RNF150: variants seen among roughly 807,000 people sequenced by gnomAD.
The protein encoded by RNF150 is ring finger protein 150.
Under a neutral mutation model 39.3 loss-of-function variants are expected in RNF150, and 24 were observed. The observed-to-expected ratio is 0.61, with a 90% CI of 0.44 to 0.86. RNF150 has a LOEUF of 0.86. Ranked by LOEUF, RNF150 falls within the 40% of genes least tolerant of loss-of-function variation. RNF150 has a pLI of 0.00. For missense variants in RNF150, 502 were observed against 587.8 expected (o/e 0.85, Z 1.51); for synonymous variants, 255 against 227.3 (o/e 1.12, Z -1.10).
At chr4:140,973,369 C>T (rs897618284) in intron 1 of RNF150, among the ~76,000 whole-genome samples, 1 of 152,018 alleles carries the variant, frequency 6.6e-6, no homozygotes, top group Non-Finnish European at 1.5e-5. Flanking sequence ...ATTTGTAATA[C>T]ATGTACATTT....
chr4:140,871,390 A>G (rs1217750705), intron 6 of RNF150, among the ~76,000 whole-genome samples: 1 of 152,122 alleles, frequency 6.6e-6, no homozygotes, highest in Non-Finnish European at 1.5e-5. Flanking sequence ...CTGCTTTTGT[A>G]TATTTAGTAC....
chr4:141,002,430 T>C (rs1734699551), intron 1 of RNF150, among the ~76,000 whole-genome samples: 1 of 152,160 alleles, frequency 6.6e-6, no homozygotes, highest in Admixed American at 6.5e-5. Context: ...CTCCTCACTA[T>C]CTTAAGCTTT....
In RNF150 at chr4:140,980,460, T is replaced by C. The variant is rs117659705; in HGVS notation, c.485-12587A>G. ...ATTTATGATACACTATTCTGTACCA[T>C]TGGAATGGGAAAATATAGATGAAGC... is the stretch of plus-strand genomic sequence containing the variant. On this transcript the variant is annotated intron_variant, in intron 1 of 6. Coordinates refer to ENST00000515673, the MANE Select transcript of RNF150 (RefSeq NM_020724.2). Among the ~76,000 whole-genome samples the C allele has an allele frequency of 4.7e-4, 71 of 152,256 alleles. No individual in the cohort carries two copies. The East Asian group carries it at 0.011, about 23-fold the overall frequency.
At chr4:140,930,791 T>G (rs1435209164) in intron 4 of RNF150, among the ~76,000 whole-genome samples, 1 of 152,210 alleles carries the variant, frequency 6.6e-6, no homozygotes, top group Non-Finnish European at 1.5e-5. Flanking sequence ...ATAGCACTGG[T>G]TACGTCACCC....
At chr4:141,162,698 AG>A (rs1321682641) in intron 1 of RNF150, among the ~76,000 whole-genome samples, 1 of 152,046 alleles carries the variant, frequency 6.6e-6, no homozygotes, top group Non-Finnish European at 1.5e-5. Context: ...CAGAACCACA[AG>A]GGGTCAAGGA....
Position 140,868,341 on chromosome 4 carries a change from A to G in RNF150, c.1237T>C (p.Ser413Pro). 1 of 1,613,480 alleles carries G rather than the reference A, an allele frequency of 6.2e-7. No homozygotes were observed. The highest frequency in any genetic ancestry group is 1.7e-5 in the Admixed American group (1 of 60,012). ...EPAVSSDSDI[S>P]LIMAMEVGLS... ...CCAACCTCCATTGCCATGATCAAGG[A>G]AATGTCAGAATCACTGCTTACAGCT... is the stretch of plus-strand genomic sequence containing the variant. Residue 413 changes from serine (S) to proline (P), a missense_variant, in exon 7 of 7, where the codon TCC becomes CCC. Transcript: ENST00000515673.
chr4:141,132,341 G>A lies in RNF150; in HGVS notation c.468C>T (p.Ile156=). 3 of 1,584,148 alleles carry A rather than the reference G, an allele frequency of 1.9e-6. No homozygotes were observed. The highest frequency in any genetic ancestry group is 2.6e-6 in the Non-Finnish European group (3 of 1,165,276). Residue 156 remains isoleucine, a synonymous_variant, in exon 1 of 7, where the codon ATC becomes ATT. Transcript: ENST00000515673. This position sits in a 1 kb window ranked among gnomAD's most constrained non-coding sequence, Gnocchi z 4.9. Reference sequence around the variant, plus strand: ...GCCACTCACCCGCGTGGGGCATGGTGATGGTCTCGTTGGTGTTGGAGCCCA... The same window carrying A: ...GCCACTCACCCGCGTGGGGCATGGTAATGGTCTCGTTGGTGTTGGAGCCCA... The part of the protein sequence containing the change: ...FNVGSNTNET[I]TMPHAGVEDI...
chr4:141,176,329 T>G (rs1489908304), intron 1 of RNF150, among the ~76,000 whole-genome samples: 1 of 152,190 alleles, frequency 6.6e-6, no homozygotes, highest in Non-Finnish European at 1.5e-5. Context: ...TTTCAACATA[T>G]AAATCATGGG....
chr4:141,049,188 T>C (rs1199750387), intron 1 of RNF150, among the ~76,000 whole-genome samples: 2 of 151,986 alleles, frequency 1.3e-5, no homozygotes, highest in African/African-American at 2.4e-5. Flanking sequence ...TAATTACACA[T>C]AGTTTACCAA....
At chr4:141,038,107 C>G (rs907871729) in intron 1 of RNF150, among the ~76,000 whole-genome samples, 1 of 152,158 alleles carries the variant, frequency 6.6e-6, no homozygotes, top group Non-Finnish European at 1.5e-5. Flanking sequence ...CACATCTAGT[C>G]CTATGTCCTA....
chr4:141,190,733 T>G (rs1261554811), intron 1 of RNF150, among the ~76,000 whole-genome samples: 1 of 152,222 alleles, frequency 6.6e-6, no homozygotes, highest in Admixed American at 6.5e-5. Context: ...GAAGTATTCA[T>G]ACATTTAACA....
At chr4:141,063,512 G>A (rs1737321366) in intron 1 of RNF150, among the ~76,000 whole-genome samples, 1 of 152,104 alleles carries the variant, frequency 6.6e-6, no homozygotes, top group East Asian at 1.9e-4. Flanking sequence ...TAAATTAGTA[G>A]GACAAATTAT....
At chr4:141,135,200 T>C (rs1727009660), upstream of RNF150, among the ~76,000 whole-genome samples, 1 of 152,134 alleles carries the variant, frequency 6.6e-6, no homozygotes, top group Admixed American at 6.5e-5. Context: ...TAACAATGAG[T>C]ATGAAATAAT....
intron 1 of RNF150, among the ~76,000 whole-genome samples, chr4:141,162,908 G>A (rs1727539615): frequency 6.6e-6 from 1 of 152,194 alleles, no homozygotes; most frequent in Non-Finnish European, 1.5e-5. Context: ...CTAGCTGCAA[G>A]AGTGTTTTTC....
intron 1 of RNF150, among the ~76,000 whole-genome samples, chr4:141,063,931 C>G (rs1219083444): frequency 1.3e-5 from 2 of 149,684 alleles, no homozygotes; most frequent in African/African-American, 4.9e-5. Flanking sequence ...TGGCCTTAGC[C>G]TCTCCTGCTT....
At chr4:141,031,360 T>C (rs181111398) in intron 1 of RNF150, among the ~76,000 whole-genome samples, 2 of 152,022 alleles carry the variant, frequency 1.3e-5, no homozygotes. Context: ...TTTTTTTGGG[T>C]AAGAGCTAAA....
chr4:140,921,494 A>G (rs1271027253), intron 5 of RNF150, among the ~76,000 whole-genome samples: 1 of 152,118 alleles, frequency 6.6e-6, no homozygotes, highest in Admixed American at 6.5e-5. Flanking sequence ...CCAACCAAAA[A>G]AAGTCCAGGA....
intron 5 of RNF150, among the ~76,000 whole-genome samples, chr4:140,923,994 A>G: frequency 6.6e-6 from 1 of 152,082 alleles, no homozygotes; most frequent in South Asian, 2.1e-4. Flanking sequence ...GGGGGGAGGG[A>G]TAGCATTAGG....
chr4:141,167,879 AT>A (rs1385070170), intron 1 of RNF150, among the ~76,000 whole-genome samples: 1 of 152,204 alleles, frequency 6.6e-6, no homozygotes, highest in Non-Finnish European at 1.5e-5. Context: ...GGACATAGGC[AT>A]GGGCAAAGAC....
Sources: allele counts gnomAD v4.1 joint callset (sites outside exome capture counted in the v4.1 genomes callset), GRCh38; gene constraint gnomAD v4.1.1; non-coding constraint Gnocchi (gnomAD v3.1); transcripts MANE v1.5; gene names NCBI Gene and HGNC (gene_info 2026-07-23, HGNC 2026-07-21).